Variants in SH3RF1 observed in about 807,000 individuals in gnomAD.
SH3RF1 encodes E3 ubiquitin-protein ligase SH3RF1.
A neutral mutation model predicts 74.0 loss-of-function variants in SH3RF1; 32 were observed. That is an observed-to-expected ratio of 0.43 (90% CI 0.33 to 0.58). The LOEUF is 0.58. Among genes scored for constraint, SH3RF1 ranks in the 20% least tolerant of loss-of-function variants. SH3RF1 has a pLI of 0.05. For synonymous variants in SH3RF1, 396 were observed against 439.6 expected (o/e 0.90, Z 1.24); for missense variants, 954 against 1,130.9 (o/e 0.84, Z 2.24).
chr4:169,253,197 G>T (rs144800001), intron 2 of SH3RF1, among the ~76,000 whole-genome samples: 2 of 152,164 alleles, frequency 1.3e-5, no homozygotes, highest in African/African-American at 4.8e-5. Flanking sequence ...AAACCACAGC[G>T]TGGCACATTT....
intron 11 of SH3RF1, among the ~76,000 whole-genome samples, chr4:169,098,295 G>A (rs1732963292): frequency 6.6e-6 from 1 of 152,208 alleles, no homozygotes; most frequent in South Asian, 2.1e-4. Flanking sequence ...CTCAAAGTCA[G>A]AAAATGAGTG....
intron 2 of SH3RF1, among the ~76,000 whole-genome samples, chr4:169,172,603 G>A (rs141302172): frequency 1.3e-5 from 2 of 152,294 alleles, no homozygotes; most frequent in African/African-American, 4.8e-5. Flanking sequence ...TGTGTATGGG[G>A]CTAAGTTGAC....
intron 9 of SH3RF1, among the ~76,000 whole-genome samples, chr4:169,117,080 A>G (rs1328680557): frequency 6.6e-6 from 1 of 152,136 alleles, no homozygotes; most frequent in Non-Finnish European, 1.5e-5. Context: ...TAGTTACCCA[A>G]GACTCTTGGG....
Position 169,117,033 on chromosome 4 carries a change from T to G in SH3RF1, c.1778-403A>C, listed in dbSNP as rs559511976. The stretch of plus-strand genomic sequence containing the variant: ...ATTTTCCTTTTTTCTGTTTTTCTGA[T>G]AGAGTTCACAAGCCTTTAGTTTACC... On this transcript the variant is annotated intron_variant, in intron 9 of 11. Transcript: ENST00000284637. 1.1e-4 allele frequency among the ~76,000 whole-genome samples: 16 copies of G among 152,296 alleles called. 1 individual carries two copies. The highest frequency in any genetic ancestry group is 3.6e-4 in the African/African-American group (15 of 41,566).
chr4:169,263,467 C>T (rs1731311143), intron 2 of SH3RF1, among the ~76,000 whole-genome samples: 1 of 152,178 alleles, frequency 6.6e-6, no homozygotes, highest in Non-Finnish European at 1.5e-5. Context: ...TCTACAGGTG[C>T]TTGTTCATAG....
At chr4:169,148,287 G>A (rs954412103) in intron 4 of SH3RF1, among the ~76,000 whole-genome samples, 10 of 152,150 alleles carry the variant, frequency 6.6e-5, no homozygotes, top group Admixed American at 2.0e-4. Flanking sequence ...TTCCTTTCTC[G>A]ATTCCTGGCT....
chr4:169,146,238 T>A (rs1200315039), intron 4 of SH3RF1, among the ~76,000 whole-genome samples: 2 of 145,654 alleles, frequency 1.4e-5, no homozygotes, highest in Non-Finnish European at 3.0e-5. Flanking sequence ...TATACTTTTT[T>A]TTTTTTTTTG....
At chr4:169,132,881 G>A (rs1230671153) in intron 5 of SH3RF1, among the ~76,000 whole-genome samples, 1 of 152,170 alleles carries the variant, frequency 6.6e-6, no homozygotes, top group Non-Finnish European at 1.5e-5. Context: ...AGACACTCAT[G>A]TCACAGTCAC....
At chr4:169,128,348 A>T (rs1035122484) in intron 6 of SH3RF1, among the ~76,000 whole-genome samples, 4 of 152,230 alleles carry the variant, frequency 2.6e-5, no homozygotes, top group African/African-American at 9.6e-5. Flanking sequence ...TCTTCTCCCC[A>T]GATGAATCCA....
chr4:169,252,237 G>C (rs1274021026), intron 2 of SH3RF1, among the ~76,000 whole-genome samples: 3 of 152,212 alleles, frequency 2.0e-5, no homozygotes, highest in Non-Finnish European at 2.9e-5. Context: ...TTTGAGAACA[G>C]AATGAATTCA....
chr4:169,191,253 C>T (rs1049814467), intron 2 of SH3RF1, among the ~76,000 whole-genome samples: 2 of 144,612 alleles, frequency 1.4e-5, no homozygotes, highest in African/African-American at 5.1e-5. Flanking sequence ...AACAGCGACC[C>T]AGCTGATAAT....
chr4:169,183,108 C>G (rs1009565043), intron 2 of SH3RF1, among the ~76,000 whole-genome samples: 1 of 152,080 alleles, frequency 6.6e-6, no homozygotes, highest in Non-Finnish European at 1.5e-5. Flanking sequence ...GAGTTCGAGA[C>G]CAGCCTCGCC....
At chr4:169,189,624 A>T (rs1314761481) in intron 2 of SH3RF1, among the ~76,000 whole-genome samples, 1 of 152,216 alleles carries the variant, frequency 6.6e-6, no homozygotes, top group Non-Finnish European at 1.5e-5. Context: ...GTGGTGGCCT[A>T]TGCTGTTAGA....
chr4:169,133,034 A>G (rs568599660), intron 5 of SH3RF1, among the ~76,000 whole-genome samples: 20 of 152,314 alleles, frequency 1.3e-4, no homozygotes, highest in Non-Finnish European at 2.2e-4. Flanking sequence ...TTGGCTTCCA[A>G]CTTGTCCCTT....
chr4:169,146,133 A>C lies in SH3RF1; in HGVS notation c.765+9347T>G, dbSNP rs1049773557. On this transcript the variant is annotated intron_variant, in intron 4 of 11. Transcript: ENST00000284637. ...ATATATTCTATATATTCTATATATT[A>C]TATATCTATATATTCTATATAAAAT... Among the ~76,000 whole-genome samples, 61 of 138,968 alleles carry C rather than the reference A, an allele frequency of 4.4e-4. 2 individuals are homozygous for C. Among genetic ancestry groups the C allele is most frequent in the African/African-American group, 1.2e-3 (44 of 36,696 alleles). The allele number at this position is 138,968 out of a possible 152,430, so 91.2% of individuals were successfully genotyped here.
chr4:169,230,877 T>C (rs574312968), intron 2 of SH3RF1, among the ~76,000 whole-genome samples: 2 of 144,172 alleles, frequency 1.4e-5, no homozygotes, highest in Non-Finnish European at 3.0e-5. Context: ...AAAAAAAAAA[T>C]TACTGAGTCC....
intron 2 of SH3RF1, among the ~76,000 whole-genome samples, chr4:169,198,208 A>G (rs1734852257): frequency 6.6e-6 from 1 of 152,182 alleles, no homozygotes; most frequent in Non-Finnish European, 1.5e-5. Context: ...ATAATCACAA[A>G]TTGGTTTTCA....
intron 2 of SH3RF1, among the ~76,000 whole-genome samples, chr4:169,231,068 A>G (rs977992237): frequency 6.6e-6 from 1 of 152,180 alleles, no homozygotes; most frequent in Admixed American, 6.5e-5. Flanking sequence ...CCAGAGCCCA[A>G]GTTTCTTCAT....
At chr4:169,260,267 T>C (rs1372687229) in intron 2 of SH3RF1, among the ~76,000 whole-genome samples, 1 of 152,184 alleles carries the variant, frequency 6.6e-6, no homozygotes, top group Non-Finnish European at 1.5e-5. Context: ...GACTTAATTA[T>C]GGGGCAAAAC....
Sources: allele counts gnomAD v4.1 joint callset (sites outside exome capture counted in the v4.1 genomes callset), GRCh38; gene constraint gnomAD v4.1.1; transcripts MANE v1.5; gene names NCBI Gene and HGNC (gene_info 2026-07-23, HGNC 2026-07-21).